ERBB4: variants seen among roughly 807,000 people sequenced by gnomAD.
ERBB4 encodes the protein receptor tyrosine-protein kinase erbB-4.
In ERBB4, 42 loss-of-function variants were observed where a neutral mutation model predicts 158.0. The observed-to-expected ratio is 0.27, with a 90% CI of 0.21 to 0.34. ERBB4 has a LOEUF of 0.34. Ranked by LOEUF, ERBB4 falls within the 10% of genes least tolerant of loss-of-function variation. ERBB4 has a pLI of 1.00. For missense variants in ERBB4, 1,333 were observed against 1,624.1 expected, an observed-to-expected ratio of 0.82 and a Z score of 3.08; for synonymous variants, 583 against 558.7, an observed-to-expected ratio of 1.04 and a Z score of -0.61.
intron 2 of ERBB4, among the ~76,000 whole-genome samples, chr2:211,978,354 A>G (rs1468346663): frequency 6.9e-6 from 1 of 144,142 alleles, no homozygotes; most frequent in Non-Finnish European, 1.5e-5. Context: ...AGAAAGTGAA[A>G]GGAGTCTGAG....
chr2:211,850,998 TAGTC>T (rs1288426235), intron 3 of ERBB4, among the ~76,000 whole-genome samples: 1 of 151,998 alleles, frequency 6.6e-6, no homozygotes, highest in Non-Finnish European at 1.5e-5. Flanking sequence ...CTCTGCCTGA[TAGTC>T]AATACAACTG....
chr2:211,665,535 A>C, intron 14 of ERBB4, 58 bp from the exon 15 acceptor site: 3 of 1,536,684 alleles, frequency 2.0e-6, no homozygotes, highest in Non-Finnish European at 2.7e-6. Context: ...TTCCTCTGGA[A>C]TGTATTCATG....
At chr2:212,303,881 G>T (rs2086712462) in intron 1 of ERBB4, among the ~76,000 whole-genome samples, 1 of 151,482 alleles carries the variant, frequency 6.6e-6, no homozygotes, top group Admixed American at 6.6e-5. Context: ...TTTTGAAATG[G>T]ACTCTATAAC....
At chr2:211,621,369 A>G (rs1220556521) in intron 18 of ERBB4, among the ~76,000 whole-genome samples, 1 of 152,124 alleles carries the variant, frequency 6.6e-6, no homozygotes, top group Non-Finnish European at 1.5e-5. Flanking sequence ...GGTTAAGCCA[A>G]TTTGCACTTC....
At chr2:211,800,690 T>C (rs2076480940) in intron 3 of ERBB4, among the ~76,000 whole-genome samples, 1 of 146,804 alleles carries the variant, frequency 6.8e-6, no homozygotes. Context: ...ACCTCTTGGC[T>C]CTGGTAGATG....
chr2:212,334,443 G>C (rs1012848292), intron 1 of ERBB4, among the ~76,000 whole-genome samples: 5 of 152,144 alleles, frequency 3.3e-5, no homozygotes, highest in Admixed American at 1.3e-4. Context: ...AAGTGAATGA[G>C]TGAATGCATG....
At chr2:211,855,143 C>T (rs2077824056) in intron 3 of ERBB4, among the ~76,000 whole-genome samples, 1 of 152,076 alleles carries the variant, frequency 6.6e-6, no homozygotes, top group Non-Finnish European at 1.5e-5. Flanking sequence ...CTTTGGATAT[C>T]TTCTGTTGGA....
chr2:211,978,179 C>T (rs922122399), intron 2 of ERBB4, among the ~76,000 whole-genome samples: 1 of 151,960 alleles, frequency 6.6e-6, no homozygotes, highest in Non-Finnish European at 1.5e-5. Flanking sequence ...TGCAGAATTG[C>T]TCCCTGGGCA....
chr2:211,970,080 G>A (rs1266659378), intron 2 of ERBB4, among the ~76,000 whole-genome samples: 2 of 152,020 alleles, frequency 1.3e-5, no homozygotes, highest in East Asian at 3.9e-4. Flanking sequence ...CCCAGACATT[G>A]TGGGACATGG....
intron 1 of ERBB4, among the ~76,000 whole-genome samples, chr2:212,515,071 A>G (rs192484773): frequency 1.3e-5 from 2 of 152,324 alleles, no homozygotes; most frequent in Admixed American, 1.3e-4. Flanking sequence ...TAAAATAGAA[A>G]TGACTGCAAC....
intron 1 of ERBB4, among the ~76,000 whole-genome samples, chr2:212,481,242 T>C (rs1425065289): frequency 6.6e-6 from 1 of 152,080 alleles, no homozygotes. Context: ...ATATATCTCA[T>C]ACACACACAT....
chr2:211,899,516 A>C (rs75708230), intron 3 of ERBB4, among the ~76,000 whole-genome samples: 4,700 of 152,190 alleles, frequency 0.031, 256 homozygotes, highest in African/African-American at 0.11. Flanking sequence ...AACCAATCAC[A>C]AAGTAATTTA....
chr2:211,466,630 A>T (rs1574544933), intron 20 of ERBB4, among the ~76,000 whole-genome samples: 1 of 152,256 alleles, frequency 6.6e-6, no homozygotes, highest in Non-Finnish European at 1.5e-5. Context: ...CCTGTGACTG[A>T]CTAGTTATTA....
chr2:212,444,626 T>C (rs2092315144), intron 1 of ERBB4, among the ~76,000 whole-genome samples: 1 of 152,084 alleles, frequency 6.6e-6, no homozygotes, highest in African/African-American at 2.4e-5. Context: ...TCAGCCTCTT[T>C]CCCCAGCCAC....
rs1294043660 is a variant in ERBB4 at position 211,665,496 on chromosome 2, A to G, written c.1717-19T>C. 1.9e-5 allele frequency: 30 copies of G among 1,612,958 alleles called. No homozygotes were observed. Among genetic ancestry groups the G allele is most frequent in the Non-Finnish European group, 2.4e-5 (28 of 1,179,332 alleles). ...CAGGACCCTGAAATGTGAAAACGAA[A>G]AAAAAAGAAAAAAGAAAAGTGGTGT... is the stretch of plus-strand genomic sequence containing the variant. On this transcript the variant is annotated intron_variant, in intron 14 of 27. Coordinates refer to ENST00000342788, the MANE Select transcript of ERBB4 (RefSeq NM_005235.3).
chr2:212,395,785 A>G (rs2091008242), intron 1 of ERBB4, among the ~76,000 whole-genome samples: 1 of 151,908 alleles, frequency 6.6e-6, no homozygotes, highest in African/African-American at 2.4e-5. Context: ...ACATCCAGCT[A>G]ATTTTTGTAT....
intron 1 of ERBB4, among the ~76,000 whole-genome samples, chr2:212,394,671 C>G (rs926225574): frequency 6.6e-6 from 1 of 151,988 alleles, no homozygotes; most frequent in African/African-American, 2.4e-5. Context: ...TCATGTGTTT[C>G]CATAATTTTC....
chr2:211,790,874 A>C (rs1465977741), intron 3 of ERBB4, among the ~76,000 whole-genome samples: 3 of 151,952 alleles, frequency 2.0e-5, no homozygotes, highest in African/African-American at 7.2e-5. Flanking sequence ...AGAATGTAGA[A>C]TTTCATTGAC....
At chr2:211,394,155 T>TTAAG (rs145656612) in intron 25 of ERBB4, among the ~76,000 whole-genome samples, 2,761 of 152,210 alleles carry the variant, frequency 0.018, 80 homozygotes, top group African/African-American at 0.063. Flanking sequence ...GGTTCCTGCT[T>TTAAG]TAAGTTGCTG....
Sources: allele counts gnomAD v4.1 joint callset (sites outside exome capture counted in the v4.1 genomes callset), GRCh38; gene constraint gnomAD v4.1.1; transcripts MANE v1.5; gene names NCBI Gene and HGNC (gene_info 2026-07-23, HGNC 2026-07-21).